The following SPOCK1 variants were observed in gnomAD, a reference collection of about 807,000 sequenced individuals.
The protein encoded by SPOCK1 is testican-1.
Under a neutral mutation model 55.3 loss-of-function variants are expected in SPOCK1, and 23 were observed. The ratio of observed to expected loss-of-function variants is 0.42; its 90% CI spans 0.30 to 0.59. SPOCK1 has a LOEUF of 0.59. SPOCK1 is among the 20% of genes least tolerant of loss of function. SPOCK1 has a pLI of 0.22. For synonymous variants in SPOCK1, 226 were observed against 221.0 expected (o/e 1.02, Z -0.20); for missense variants, 499 against 552.5 (o/e 0.90, Z 0.97).
chr5:137,011,640 A>G (rs1397768415), intron 6 of SPOCK1, among the ~76,000 whole-genome samples: 2 of 152,226 alleles, frequency 1.3e-5, no homozygotes, highest in Admixed American at 6.5e-5. Flanking sequence ...AGTCCCATCT[A>G]CCACATCAGC....
intron 2 of SPOCK1, among the ~76,000 whole-genome samples, chr5:137,457,383 T>C (rs1199750730): frequency 6.6e-6 from 1 of 152,210 alleles, no homozygotes; most frequent in Non-Finnish European, 1.5e-5. Flanking sequence ...TGATGAATAA[T>C]ATCAGTGTGG....
At chr5:137,018,338 C>T (rs1294834332) in intron 6 of SPOCK1, among the ~76,000 whole-genome samples, 1 of 152,200 alleles carries the variant, frequency 6.6e-6, no homozygotes, top group African/African-American at 2.4e-5. Context: ...AGGTCTAAAC[C>T]TCAGGACTCT....
At chr5:137,084,393 C>T (rs942957112) in intron 5 of SPOCK1, among the ~76,000 whole-genome samples, 3 of 152,046 alleles carry the variant, frequency 2.0e-5, no homozygotes, top group Middle Eastern at 3.4e-3. Flanking sequence ...TCCCATTCAA[C>T]CTGGGGCCAT....
intron 6 of SPOCK1, among the ~76,000 whole-genome samples, chr5:137,055,026 C>T (rs963946108): frequency 6.6e-6 from 1 of 151,972 alleles, no homozygotes; most frequent in African/African-American, 2.4e-5. Flanking sequence ...ACAGAGACCA[C>T]AATGGTAGTA....
intron 2 of SPOCK1, among the ~76,000 whole-genome samples, chr5:137,400,246 A>T (rs368898640): frequency 9.9e-5 from 15 of 152,204 alleles, no homozygotes; most frequent in African/African-American, 3.6e-4. Context: ...GTACAGCCTC[A>T]TACAGGCTGA....
chr5:137,426,664 C>T (rs1752618235), intron 2 of SPOCK1, among the ~76,000 whole-genome samples: 1 of 152,172 alleles, frequency 6.6e-6, no homozygotes, highest in South Asian at 2.1e-4. Context: ...AGGCCTTGCT[C>T]TAACCTATGG....
intron 4 of SPOCK1, among the ~76,000 whole-genome samples, chr5:137,115,252 T>C (rs894121231): frequency 6.6e-6 from 1 of 152,066 alleles, no homozygotes; most frequent in Non-Finnish European, 1.5e-5. Context: ...AATCACAGAA[T>C]GTCAGAACGA....
intron 3 of SPOCK1, among the ~76,000 whole-genome samples, chr5:137,174,512 G>A (rs1283285617): frequency 2.0e-5 from 3 of 151,964 alleles, no homozygotes; most frequent in Non-Finnish European, 2.9e-5. Flanking sequence ...TACCATGTCC[G>A]AGCTGTCCTT....
At chr5:137,117,499 C>A (rs1753610351) in intron 4 of SPOCK1, among the ~76,000 whole-genome samples, 1 of 152,090 alleles carries the variant, frequency 6.6e-6, no homozygotes, top group South Asian at 2.1e-4. Context: ...GGTGACTGGG[C>A]CTTAATCATG....
intron 6 of SPOCK1, among the ~76,000 whole-genome samples, chr5:137,014,966 C>T (rs1052392548): frequency 2.0e-5 from 3 of 152,260 alleles, no homozygotes; most frequent in South Asian, 4.2e-4. Context: ...TTCTCCAGAA[C>T]AGATAGATTC....
At chr5:137,096,758 G>T (rs1270558053) in intron 5 of SPOCK1, among the ~76,000 whole-genome samples, 1 of 150,072 alleles carries the variant, frequency 6.7e-6, no homozygotes, top group South Asian at 2.1e-4. Context: ...AAAGAATTAT[G>T]TAAACATATT....
At chr5:137,461,144 A>G (rs1753481709) in intron 2 of SPOCK1, among the ~76,000 whole-genome samples, 1 of 152,216 alleles carries the variant, frequency 6.6e-6, no homozygotes, top group Admixed American at 6.5e-5. Context: ...TCTCTCCAGG[A>G]TCTATAAATG....
chr5:137,156,039 A>G (rs1409597873), intron 3 of SPOCK1, among the ~76,000 whole-genome samples: 1 of 152,206 alleles, frequency 6.6e-6, no homozygotes, highest in African/African-American at 2.4e-5. Flanking sequence ...TGTTTCAGGC[A>G]GTAGCATTAA....
intron 4 of SPOCK1, among the ~76,000 whole-genome samples, chr5:137,137,767 C>G (rs778880834): frequency 3.3e-4 from 50 of 152,256 alleles, no homozygotes; most frequent in Admixed American, 2.6e-4. Flanking sequence ...TGCAATCAAA[C>G]TGGGTAGGGA....
At chr5:137,409,764 A>G (rs1455867591) in intron 2 of SPOCK1, among the ~76,000 whole-genome samples, 1 of 152,184 alleles carries the variant, frequency 6.6e-6, no homozygotes, top group African/African-American at 2.4e-5. Flanking sequence ...TGTTTCTGTT[A>G]GGTTAGAAGG....
chr5:137,087,738 G>T (rs567677000), intron 5 of SPOCK1, among the ~76,000 whole-genome samples: 1 of 152,348 alleles, frequency 6.6e-6, no homozygotes, highest in South Asian at 2.1e-4. Context: ...CCCAGCCTCC[G>T]CTGGATCTTT....
At chr5:137,255,662 C>T (rs760906037) in intron 3 of SPOCK1, among the ~76,000 whole-genome samples, 6 of 151,924 alleles carry the variant, frequency 3.9e-5, no homozygotes, top group East Asian at 1.9e-4. Context: ...CATTCATGGA[C>T]GTGAAGTGAA....
chr5:137,104,362 C>A (rs1354233739), intron 5 of SPOCK1, among the ~76,000 whole-genome samples: 1 of 152,144 alleles, frequency 6.6e-6, no homozygotes, highest in Non-Finnish European at 1.5e-5. Flanking sequence ...GCTTGTACAG[C>A]CTACAGAACC....
chr5:137,208,500 T>A (rs1457636844), intron 3 of SPOCK1, among the ~76,000 whole-genome samples: 2 of 152,202 alleles, frequency 1.3e-5, no homozygotes, highest in East Asian at 3.8e-4. Context: ...ATGTGGTACA[T>A]ATACACCATG....
Sources: gnomAD v4.1 joint callset for allele counts (sites outside exome capture counted in the v4.1 genomes callset) on GRCh38, gnomAD v4.1.1 for gene constraint, MANE v1.5 for transcripts, NCBI Gene and HGNC (gene_info 2026-07-23, HGNC 2026-07-21) for gene names.